ADCY1: variants seen among roughly 807,000 people sequenced by gnomAD.
The protein encoded by ADCY1 is adenylate cyclase 1, also known as adenylate cyclase type 1.
Under a neutral mutation model 105.4 loss-of-function variants are expected in ADCY1, and 28 were observed. The ratio of observed to expected loss-of-function variants is 0.27; its 90% confidence interval spans 0.20 to 0.36. The LOEUF is 0.36. Among genes scored for constraint, ADCY1 ranks in the 10% least tolerant of loss-of-function variants. The pLI, the probability that ADCY1 is intolerant of heterozygous loss-of-function variation, is 1.00. For missense variants in ADCY1, 977 were observed against 1,434.2 expected, an observed-to-expected ratio of 0.68 and a Z score of 5.15; for synonymous variants, 655 against 623.8, an observed-to-expected ratio of 1.05 and a Z score of -0.75.
At chr7:45,689,672 A>G (rs1286658220) in intron 14 of ADCY1, among the ~76,000 whole-genome samples, 1 of 152,214 alleles carries the variant, frequency 6.6e-6, no homozygotes, top group Non-Finnish European at 1.5e-5. Context: ...TGGCAGGGAC[A>G]GATACCCAAA....
chr7:45,675,759 T>C (rs1784445268), intron 8 of ADCY1, among the ~76,000 whole-genome samples: 1 of 152,140 alleles, frequency 6.6e-6, no homozygotes, highest in South Asian at 2.1e-4. Context: ...AAAAATCAGA[T>C]ATTAGTTTTC....
At chr7:45,642,403 G>A (rs1488403843) in intron 4 of ADCY1, among the ~76,000 whole-genome samples, 1 of 152,148 alleles carries the variant, frequency 6.6e-6, no homozygotes, top group Non-Finnish European at 1.5e-5. Flanking sequence ...GGGATGGGTT[G>A]GTTTGCATGT....
chr7:45,670,829 G>A (rs1250720360), intron 8 of ADCY1, among the ~76,000 whole-genome samples: 3 of 152,038 alleles, frequency 2.0e-5, no homozygotes, highest in Non-Finnish European at 4.4e-5. Flanking sequence ...CGTCTGCCCC[G>A]ACTTAAGGCT....
At chr7:45,615,364 G>A (rs562897976) in intron 3 of ADCY1, among the ~76,000 whole-genome samples, 1 of 152,266 alleles carries the variant, frequency 6.6e-6, no homozygotes, top group East Asian at 1.9e-4. Flanking sequence ...TTGGGAGGCC[G>A]GGGTGGGAGG....
intron 5 of ADCY1, among the ~76,000 whole-genome samples, chr7:45,654,776 G>A (rs888823039): frequency 1.3e-5 from 2 of 152,204 alleles, no homozygotes; most frequent in East Asian, 1.9e-4. Context: ...ACCACCACAC[G>A]TGGTTTTCCC....
chr7:45,649,705 G>A (rs1220754481), intron 5 of ADCY1, among the ~76,000 whole-genome samples: 1 of 152,212 alleles, frequency 6.6e-6, no homozygotes, highest in Admixed American at 6.5e-5. Flanking sequence ...GGAGGCGGTT[G>A]GGAGGAGGCT....
rs144524280 is a variant in ADCY1 at position 45,713,899 on chromosome 7, C to T, written c.3264C>T (p.Pro1088=). ...CTGGCCTTCAGGGCAGACGTCCCCC[C>T]GTGTGCCCCATGCCTGGCGTCTCAG... ...GRAGLQGRRP[P]VCPMPGVSVR... Residue 1088 remains proline (P), a synonymous_variant, in exon 20 of 20, where the codon CCC becomes CCT. Coordinates refer to ENST00000297323, the MANE Select transcript of ADCY1 (RefSeq NM_021116.4). 38 of 780,546 alleles carry T rather than the reference C, an allele frequency of 4.9e-5. No individual in the cohort carries two copies. The highest frequency in any genetic ancestry group is 8.0e-5 in the South Asian group (6 of 74,634). The allele number at this position is 780,546 out of a possible 1,614,324, so 48.4% of individuals were successfully genotyped here.
intron 4 of ADCY1, among the ~76,000 whole-genome samples, chr7:45,643,003 A>T (rs758847788): frequency 5.3e-5 from 8 of 151,816 alleles, no homozygotes; most frequent in Non-Finnish European, 1.0e-4. Flanking sequence ...GAAGTCATGG[A>T]TTTTTAAAAA....
At chr7:45,698,673 T>C (rs1055685717) in intron 14 of ADCY1, among the ~76,000 whole-genome samples, 9 of 152,196 alleles carry the variant, frequency 5.9e-5, no homozygotes, top group African/African-American at 2.2e-4. Flanking sequence ...CTGTAAACAG[T>C]GCTTGTAAAG....
rs1381147099 is a variant in ADCY1 at position 45,575,122 on chromosome 7, G to T, written c.579G>T (p.Ala193=). ...LAIGFGLVVA[A]SHLLVTATLV... is the part of the protein sequence containing the mutation. Reference sequence around the variant, plus strand: ...TAGGCTTTGGGCTCGTGGTGGCTGCGTCGCACTTGCTGGTCACAGCCACCT... The same window carrying T: ...TAGGCTTTGGGCTCGTGGTGGCTGCTTCGCACTTGCTGGTCACAGCCACCT... The change falls in exon 1 of 20, where the codon GCG becomes GCT. Residue 193 remains alanine, a synonymous_variant. Transcript: ENST00000297323. This position sits in a 1 kb window ranked among gnomAD's most constrained non-coding sequence, Gnocchi z 4.7. The T allele has an allele frequency of 1.9e-6, 3 of 1,611,936 alleles. No homozygotes were observed. In the African/African-American group the frequency reaches 4.0e-5, roughly 22 times the overall value.
Position 45,713,554 on chromosome 7 carries a change from G to A in ADCY1, c.3058-139G>A. ...GTAGGGGCCCTGGCTGCCAGGCTGA[G>A]CTGGGAAAGCCACATCCCAGTGCCA... On this transcript the variant is annotated intron_variant, in intron 19 of 19. Transcript: ENST00000297323. The A allele has an allele frequency of 4.8e-6, 3 of 621,226 alleles. No individual in the cohort carries two copies. The South Asian group carries it at 5.8e-5, about 12-fold the overall frequency. 38.5% of individuals were successfully genotyped at this position (621,226 alleles called of 1,614,324 possible).
At chr7:45,584,537 T>A (rs1283381770) in intron 1 of ADCY1, among the ~76,000 whole-genome samples, 1 of 152,238 alleles carries the variant, frequency 6.6e-6, no homozygotes, top group Non-Finnish European at 1.5e-5. Flanking sequence ...TCTGGCTGGC[T>A]CTTGCCCACT....
chr7:45,716,634 T>A lies in ADCY1; in HGVS notation c.*2639T>A, dbSNP rs1019754787. Reference sequence around the variant, plus strand: ...GTTGCCCCCAGTGCCGCTGCCCAGCTTCGGCCATCCAGGTGGTGGGTAGAC... The same window carrying A: ...GTTGCCCCCAGTGCCGCTGCCCAGCATCGGCCATCCAGGTGGTGGGTAGAC... On this transcript the variant is annotated 3_prime_UTR_variant, in exon 20 of 20. Transcript: ENST00000297323. 6.5e-6 allele frequency: 1 copy of A among 153,440 alleles called. No individual in the cohort carries two copies. The highest frequency in any genetic ancestry group is 1.4e-5 in the Non-Finnish European group (1 of 69,062). 9.5% of individuals were successfully genotyped at this position (153,440 alleles called of 1,614,324 possible). A position where few individuals can be genotyped will look rare whatever the true frequency, so the allele number is the denominator to read the frequency against.
chr7:45,689,400 C>T (rs1302475122), intron 14 of ADCY1, among the ~76,000 whole-genome samples: 6 of 152,234 alleles, frequency 3.9e-5, no homozygotes, highest in South Asian at 2.1e-4. Context: ...CAGGCACCAG[C>T]ATCTGCTTGG....
intron 8 of ADCY1, among the ~76,000 whole-genome samples, chr7:45,662,907 T>C (rs1795171243): frequency 6.6e-6 from 1 of 152,150 alleles, no homozygotes; most frequent in Admixed American, 6.5e-5. Flanking sequence ...CACCCCTTCA[T>C]CACCATCTGC....
chr7:45,686,798 C>T lies in ADCY1; in HGVS notation c.2454+125C>T. The T allele has an allele frequency of 2.9e-6, 4 of 1,359,352 alleles. No homozygotes were observed. Among genetic ancestry groups the T allele is most frequent in the Non-Finnish European group, 3.9e-6 (4 of 1,025,014 alleles). The allele number at this position is 1,359,352 out of a possible 1,614,324, so 84.2% of individuals were successfully genotyped here. On this transcript the variant is annotated intron_variant, in intron 14 of 19. Coordinates refer to ENST00000297323, the MANE Select transcript of ADCY1 (RefSeq NM_021116.4). This position sits in a 1 kb window ranked among gnomAD's most constrained non-coding sequence, Gnocchi z 4.3. The stretch of plus-strand genomic sequence containing the variant: ...CGTATGGCCCTCGGAGGGCCCTCCT[C>T]AGCAGCATGCAAGCCAGGCACTGTC...
intron 3 of ADCY1, among the ~76,000 whole-genome samples, chr7:45,619,904 C>T (rs1334999097): frequency 2.0e-5 from 3 of 152,088 alleles, no homozygotes; most frequent in African/African-American, 7.2e-5. Context: ...TTTTAATTAC[C>T]TTGATTGTGT....
At position 45,685,963 on chromosome 7, in the gene ADCY1, T is replaced by G; in HGVS notation, c.2075T>G (p.Val692Gly). 6.2e-7 allele frequency: 1 copy of G among 1,611,358 alleles called. No individual in the cohort carries two copies. The highest frequency in any genetic ancestry group is 8.5e-7 in the Non-Finnish European group (1 of 1,178,218). ...LIYSVAQGCVVGCLPWAWSSK... is the reference protein window; with the variant it reads ...LIYSVAQGCVGGCLPWAWSSK... ...CCCCTGTGACCCCTCCCTTCCCAGG[T>G]GGGCTGCCTGCCTTGGGCCTGGAGC... is the stretch of plus-strand genomic sequence containing the variant. Residue 692 changes from valine to glycine, a missense_variant and splice_region_variant, in exon 13 of 20, where the codon GTG becomes GGG. By Grantham distance (109) the Val-to-Gly change is moderately radical (BLOSUM62 -3). Transcript: ENST00000297323.
In ADCY1 at chr7:45,701,834, C is replaced by T. The variant is rs1431784949; in HGVS notation, c.2455-1542C>T. On this transcript the variant is annotated intron_variant, in intron 14 of 19. Coordinates refer to ENST00000297323, the MANE Select transcript of ADCY1 (RefSeq NM_021116.4). ...GCCGCTGCGTGGGCAGAGTGTGGCT[C>T]CAGCCCATCTGGGCAGCCAGACCCC... 9.8e-5 allele frequency among the ~76,000 whole-genome samples: 15 copies of T among 152,322 alleles called. No individual in the cohort carries two copies. The East Asian group carries it at 1.2e-3, about 12-fold the overall frequency.
Sources: allele counts gnomAD v4.1 joint callset (sites outside exome capture counted in the v4.1 genomes callset), GRCh38; gene constraint gnomAD v4.1.1; non-coding constraint Gnocchi (gnomAD v3.1); transcripts MANE v1.5; gene names NCBI Gene and HGNC (gene_info 2026-07-23, HGNC 2026-07-21).